The following ABCA8 variants were observed in gnomAD, a reference collection of about 807,000 sequenced individuals.
The protein encoded by ABCA8 is ABC-type organic anion transporter ABCA8.
In ABCA8, 177 loss-of-function variants were observed where a neutral mutation model predicts 192.3. That is an observed-to-expected ratio of 0.92 (90% confidence interval 0.81 to 1.04). ABCA8 has a LOEUF of 1.04. Ranked by LOEUF, ABCA8 falls within the 50% of genes least tolerant of loss-of-function variation. The pLI, the probability that ABCA8 is intolerant of heterozygous loss-of-function variation, is 0.00. For missense variants in ABCA8, 1,915 were observed against 1,904.8 expected (o/e 1.01, Z -0.10); for synonymous variants, 642 against 690.2 (o/e 0.93, Z 1.09).
chr17:68,877,592 C>T lies in ABCA8; in HGVS notation c.4126G>A (p.Val1376Met). The T allele has an allele frequency of 6.2e-7, 1 of 1,614,124 alleles. No homozygotes were observed. Among genetic ancestry groups the T allele is most frequent in the South Asian group, 1.1e-5 (1 of 91,068 alleles). ...GCGTACACCTCCAGGTGCTGCCTCA[C>T]TGTCAGGTTGGGCCACAGCGCGTTC... The part of the protein sequence containing the change: ...QENALWPNLT[V>M]RQHLEVYAAV... Residue 1376 changes from valine to methionine, a missense_variant, in exon 33 of 40, where the codon GTG (valine) becomes ATG (methionine). Transcript: ENST00000586539.
Position 68,915,768 on chromosome 17 carries a change from T to G in ABCA8, c.2138+1593A>C, listed in dbSNP as rs372977067. Among the ~76,000 whole-genome samples the G allele has an allele frequency of 2.6e-4, 40 of 152,292 alleles. 1 individual carries two copies. The South Asian group carries it at 7.9e-3, about 30-fold the overall frequency. On this transcript the variant is annotated intron_variant, in intron 17 of 39. Coordinates refer to ENST00000586539, the MANE Select transcript of ABCA8 (RefSeq NM_001288985.2). ...CTACCATATGATCCAGCAATCCCAC[T>G]ACTAGGTATATACCCCAAAGAAAGG...
At position 68,940,935 on chromosome 17, in the gene ABCA8, G is replaced by A. The variant is rs756991878; in HGVS notation, c.124C>T (p.Leu42Phe). The A allele has an allele frequency of 1.1e-5, 18 of 1,610,344 alleles. No individual in the cohort carries two copies. Among genetic ancestry groups the A allele is most frequent in the East Asian group, 2.2e-5 (1 of 44,832 alleles). ...MEWLNSLLLL[L>F]CLYIYPHSHQ... The stretch of plus-strand genomic sequence containing the variant: ...CTATGAGGATATATATACAAACAAA[G>A]TAGTAGGAGCAATGAATTCAGCCAT... The change falls in exon 4 of 40, where the codon CTT (leucine) becomes TTT (phenylalanine). Residue 42 changes from leucine to phenylalanine, a missense_variant. Leu to Phe is a conservative substitution (Grantham distance 22). Coordinates refer to ENST00000586539, the MANE Select transcript of ABCA8 (RefSeq NM_001288985.2).
chr17:68,940,498 T>C (rs1308611634), intron 4 of ABCA8, among the ~76,000 whole-genome samples: 1 of 152,134 alleles, frequency 6.6e-6, no homozygotes, highest in East Asian at 1.9e-4. Context: ...CCTCAAATCC[T>C]ATACCAGATC....
At chr17:68,932,135 G>A (rs1193268610) in intron 7 of ABCA8, 153 bp downstream of exon 7, 43 of 557,060 alleles carry the variant, frequency 7.7e-5, no homozygotes, top group Non-Finnish European at 1.3e-4. Context: ...GCGTGAACCT[G>A]TGAGGCGGAG....
intron 4 of ABCA8, among the ~76,000 whole-genome samples, chr17:68,937,588 T>C (rs1266960238): frequency 6.6e-6 from 1 of 152,146 alleles, no homozygotes; most frequent in East Asian, 1.9e-4. Flanking sequence ...GTTAAGAAAC[T>C]ATGTTGACAT....
chr17:68,906,293 AT>A, intron 18 of ABCA8, 130 bp from the exon 19 acceptor site: 1 of 587,888 alleles, frequency 1.7e-6, no homozygotes, highest in Non-Finnish European at 2.6e-6. Flanking sequence ...GAAAATTAAC[AT>A]TTCATAATAG....
chr17:68,877,323 T>A (rs1392827657), intron 33 of ABCA8, 196 bp downstream of exon 33: 2 of 483,196 alleles, frequency 4.1e-6, no homozygotes, highest in Non-Finnish European at 6.8e-6. Context: ...CCAGCCTTTT[T>A]AAATTTTCTT....
intron 32 of ABCA8, chr17:68,880,633 C>T (rs948489800): frequency 1.3e-5 from 2 of 158,774 alleles, no homozygotes; most frequent in East Asian, 1.9e-4. Context: ...CAGTGGAAGC[C>T]GCTTGCAGTA....
At chr17:68,875,506 A>G in intron 36 of ABCA8, 106 bp from the exon 37 acceptor site, 1 of 1,590,280 alleles carries the variant, frequency 6.3e-7, no homozygotes, top group South Asian at 1.2e-5. Context: ...CTATTGTTAG[A>G]CCTGGGCACA....
intron 27 of ABCA8, chr17:68,884,861 C>T: frequency 2.0e-6 from 2 of 985,066 alleles, no homozygotes; most frequent in Non-Finnish European, 2.4e-6. Flanking sequence ...TTCTTTAGAA[C>T]TCTGAAATCC....
At chr17:68,907,684 A>G (rs1472423320) in intron 18 of ABCA8, 56 bp downstream of exon 18, 1 of 1,408,020 alleles carries the variant, frequency 7.1e-7, no homozygotes, top group Non-Finnish European at 9.5e-7. Context: ...GATAATAATT[A>G]TGATGATGAT....
chr17:68,869,585 G>A, intron 38 of ABCA8, 115 bp downstream of exon 38: 1 of 775,852 alleles, frequency 1.3e-6, no homozygotes, highest in Admixed American at 2.1e-5. Context: ...ATTTGAGACT[G>A]TAACTTTAAA....
chr17:68,942,187 T>C, intron 2 of ABCA8, 148 bp from the exon 3 acceptor site: 1 of 611,884 alleles, frequency 1.6e-6, no homozygotes. Flanking sequence ...CAGCATTGTA[T>C]TACTCCCATG....
At chr17:68,885,725 T>C (rs867668765) in intron 26 of ABCA8, among the ~76,000 whole-genome samples, 1 of 152,092 alleles carries the variant, frequency 6.6e-6, no homozygotes. Context: ...TATTTTTGTA[T>C]TTTTAGTAGA....
chr17:68,901,917 C>T lies in ABCA8; in HGVS notation c.2764+796G>A, dbSNP rs80000154. On this transcript the variant is annotated intron_variant, in intron 21 of 39. Coordinates refer to ENST00000586539, the MANE Select transcript of ABCA8 (RefSeq NM_001288985.2). ...CTTCAAAGGGTAAACATAGTTACCA[C>T]GTGACCCAACAATTCTACTTTTAGG... is the stretch of plus-strand genomic sequence containing the variant. Among the ~76,000 whole-genome samples, 1,388 of 151,862 alleles carry T rather than the reference C, an allele frequency of 9.1e-3. 18 individuals carry two copies. Among genetic ancestry groups the T allele is most frequent in the African/African-American group, 0.029 (1,190 of 41,400 alleles).
chr17:68,871,043 T>C (rs906818722), intron 37 of ABCA8, among the ~76,000 whole-genome samples: 1 of 152,158 alleles, frequency 6.6e-6, no homozygotes, highest in East Asian at 1.9e-4. Context: ...CTTAGTCCAG[T>C]TTTTTGTTGC....
intron 17 of ABCA8, among the ~76,000 whole-genome samples, 192 bp downstream of exon 17, chr17:68,917,169 G>T (rs1347929308): frequency 6.6e-6 from 1 of 152,198 alleles, no homozygotes; most frequent in Non-Finnish European, 1.5e-5. Context: ...TACTCGGGAG[G>T]CTGAGGCAGG....
intron 19 of ABCA8, among the ~76,000 whole-genome samples, chr17:68,905,090 CA>C (rs2067030816): frequency 6.6e-6 from 1 of 152,174 alleles, no homozygotes. Flanking sequence ...AAAACCTGTG[CA>C]AAAGCCCAGG....
chr17:68,917,284 C>A, intron 17 of ABCA8, 77 bp downstream of exon 17: 1 of 842,706 alleles, frequency 1.2e-6, no homozygotes, highest in Admixed American at 2.5e-5. Context: ...ACAAATTCTT[C>A]TTGTGTGTTG....
Sources: allele counts gnomAD v4.1 joint callset (sites outside exome capture counted in the v4.1 genomes callset), GRCh38; gene constraint gnomAD v4.1.1; transcripts MANE v1.5; gene names NCBI Gene and HGNC (gene_info 2026-07-23, HGNC 2026-07-21).